BPTF: variants seen among roughly 807,000 people sequenced by gnomAD.
The protein encoded by BPTF is bromodomain PHD finger transcription factor.
In BPTF, 18 loss-of-function variants were observed where a neutral mutation model predicts 292.5. The ratio of observed to expected loss-of-function variants is 0.06; its 90% CI spans 0.04 to 0.09. BPTF has a LOEUF of 0.09. Ranked by LOEUF, BPTF falls within the 10% of genes least tolerant of loss-of-function variation. The probability of loss-of-function intolerance (pLI) is 1.00; values close to 1 mark genes in which losing one functional copy is unlikely to be tolerated. For missense variants in BPTF, 2,726 were observed against 3,498.7 expected (o/e 0.78, Z 5.57); for synonymous variants, 1,225 against 1,251.9 (o/e 0.98, Z 0.45).
Position 67,912,197 on chromosome 17 carries a change from C to A in BPTF, c.4313C>A (p.Pro1438Gln). 1 of 1,609,772 alleles carries A rather than the reference C, an allele frequency of 6.2e-7. No homozygotes were observed. ...AGAGTAGTAAGTGGTAATGTTGAAC[C>A]AAAGGTTAATAATATAAATAAAATA... is the stretch of plus-strand genomic sequence containing the variant. ...ESRVVSGNVE[P>Q]KVNNINKIIP... The change falls in exon 11 of 28, where the codon CCA (proline) becomes CAA (glutamine). Residue 1438 changes from proline to glutamine, a missense_variant. Physicochemically the swap from Pro to Gln is moderately conservative, Grantham distance 76. Around this residue, in one of 22 missense-constraint regions of BPTF, gnomAD observed 713 missense variants for 714.9 expected, o/e 1.00. Transcript: ENST00000306378.
At chr17:67,979,169 C>CAAAAAAAAAAAAAAAAAAAAAAAAAA (rs11376410) in intron 27 of BPTF, among the ~76,000 whole-genome samples, 7 of 72,566 alleles carry the variant, frequency 9.6e-5, no homozygotes, top group African/African-American at 4.8e-4. Flanking sequence ...GACCCTGTCT[C>CAAAAAAAAAAAAAAAAAAAAAAAAAA]AAAAAAAAAA....
intron 1 of BPTF, among the ~76,000 whole-genome samples, chr17:67,838,863 A>G (rs1035091988): frequency 2.0e-5 from 3 of 152,246 alleles, no homozygotes; most frequent in African/African-American, 7.2e-5. Flanking sequence ...ATCAGATTTT[A>G]TCTTTGTGTA....
chr17:67,964,551 T>C, intron 25 of BPTF, 147 bp downstream of exon 25: 1 of 918,634 alleles, frequency 1.1e-6, no homozygotes, highest in Non-Finnish European at 1.6e-6. Context: ...ACTGCAGTCC[T>C]TCACGTACCA....
In BPTF at chr17:67,979,407, T is replaced by G. The variant is rs1259006458; in HGVS notation, c.8727-2845T>G. On this transcript the variant is annotated intron_variant, in intron 27 of 27. Transcript: ENST00000306378. The stretch of plus-strand genomic sequence containing the variant: ...ACTAAAAGTACAAAAATTAGCCAGG[T>G]GTGGTTGCACATGCCTGTAATCCCA... 5.3e-5 allele frequency among the ~76,000 whole-genome samples: 8 copies of G among 151,466 alleles called. No individual in the cohort carries two copies. In the East Asian group the frequency reaches 1.6e-3, roughly 30 times the overall value.
In BPTF at chr17:67,945,966, C is replaced by G; in HGVS notation, c.7258C>G (p.Arg2420Gly). 6.2e-7 allele frequency: 1 copy of G among 1,614,176 alleles called. No homozygotes were observed. The highest frequency in any genetic ancestry group is 1.1e-5 in the South Asian group (1 of 91,082). Residue 2420 changes from arginine to glycine, a missense_variant, in exon 21 of 28, where the codon CGT (arginine) becomes GGT (glycine). Arg to Gly is a moderately radical substitution (Grantham distance 125). Transcript: ENST00000306378. ...LNQVTVSSPS[R>G]PQLQIQQPQP... is the part of the protein sequence containing the mutation. ...TCAAGTTACTGTTTCATCCCCATCC[C>G]GTCCTCAGCTACAAATACAGCAGCC...
chr17:67,826,037 G>A lies in BPTF; in HGVS notation c.313G>A (p.Gly105Arg). 1 of 1,199,358 alleles carries A rather than the reference G, an allele frequency of 8.3e-7. No individual in the cohort carries two copies. Among genetic ancestry groups the A allele is most frequent in the Non-Finnish European group, 1.1e-6 (1 of 947,348 alleles). The allele number at this position is 1,199,358 out of a possible 1,614,324, so 74.3% of individuals were successfully genotyped here. Residue 105 changes from glycine to arginine, a missense_variant, in exon 1 of 28, where the codon GGG becomes AGG. By Grantham distance (125) the Gly-to-Arg change is moderately radical. Coordinates refer to ENST00000306378, the MANE Select transcript of BPTF (RefSeq NM_182641.4). ...RGGGGGRTGG[G>R]GGGGHLARTT... ...AGGCGGGGGCGGCAGGACGGGGGGC[G>A]GGGGCGGCGGCGGCCACCTGGCCCG... is the stretch of plus-strand genomic sequence containing the variant.
intron 18 of BPTF, among the ~76,000 whole-genome samples, chr17:67,935,605 A>G (rs2064847581): frequency 6.6e-6 from 1 of 152,148 alleles, no homozygotes; most frequent in Non-Finnish European, 1.5e-5. Flanking sequence ...AAATAAAGTG[A>G]GCTTTTTTAA....
intron 4 of BPTF, among the ~76,000 whole-genome samples, chr17:67,884,294 CAG>C (rs1473123968): frequency 6.6e-6 from 1 of 151,806 alleles, no homozygotes; most frequent in Non-Finnish European, 1.5e-5. Context: ...TTAGTAGAGA[CAG>C]GGTTTCACCA....
intron 26 of BPTF, among the ~76,000 whole-genome samples, chr17:67,968,013 C>T (rs1231506862): frequency 1.3e-5 from 2 of 150,850 alleles, no homozygotes; most frequent in African/African-American, 4.9e-5. Flanking sequence ...ATTTTATGAA[C>T]TAGAGAGAAT....
intron 1 of BPTF, among the ~76,000 whole-genome samples, chr17:67,850,472 G>A (rs147885480): frequency 0.016 from 2,479 of 152,160 alleles, 64 homozygotes; most frequent in African/African-American, 0.052. Context: ...GGGTTCAAGC[G>A]GTTCTTCTGC....
chr17:67,854,044 A>G lies in BPTF; in HGVS notation c.718A>G (p.Asn240Asp). ...GTCCTCTGAGGATTTAATGGTGCCT[A>G]ATGAGCATATAATGAATGTCATTGC... The part of the protein sequence containing the change: ...PKSSEDLMVP[N>D]EHIMNVIAIY... The change falls in exon 2 of 28, where the codon AAT (asparagine) becomes GAT (aspartate). Residue 240 changes from asparagine (N) to aspartate (D), a missense_variant. Around this residue, in one of 22 missense-constraint regions of BPTF, gnomAD observed 102 missense variants for 212.6 expected, o/e 0.48. Coordinates refer to ENST00000306378, the MANE Select transcript of BPTF (RefSeq NM_182641.4). This position sits in a 1 kb window ranked among gnomAD's most constrained non-coding sequence, Gnocchi z 5.6. 1 of 1,614,188 alleles carries G rather than the reference A, an allele frequency of 6.2e-7. No homozygotes were observed. Among genetic ancestry groups the G allele is most frequent in the East Asian group, 2.2e-5 (1 of 44,880 alleles).
intron 23 of BPTF, among the ~76,000 whole-genome samples, 183 bp downstream of exon 23, chr17:67,948,489 T>G (rs1218944329): frequency 6.6e-6 from 1 of 152,200 alleles, no homozygotes. Context: ...CTTTTATAAC[T>G]AAATGTGTAG....
At position 67,857,963 on chromosome 17, in the gene BPTF, T is replaced by C. The variant is rs986075215; in HGVS notation, c.1436+3201T>C. On this transcript the variant is annotated intron_variant, in intron 2 of 27. Coordinates refer to ENST00000306378, the MANE Select transcript of BPTF (RefSeq NM_182641.4). ...CCACCACACCCAGCTAATTTTTGTA[T>C]TTATAGTAGAGATGGGGTTTCACCA... 1.0e-3 allele frequency among the ~76,000 whole-genome samples: 158 copies of C among 151,928 alleles called. 1 individual carries two copies. Among genetic ancestry groups the C allele is most frequent in the African/African-American group, 3.8e-3 (156 of 41,440 alleles).
At chr17:67,850,552 A>G (rs984856505) in intron 1 of BPTF, among the ~76,000 whole-genome samples, 1 of 152,074 alleles carries the variant, frequency 6.6e-6, no homozygotes, top group African/African-American at 2.4e-5. Flanking sequence ...TATTTTTCTT[A>G]GAGACGGGGT....
In BPTF at chr17:67,826,239, A is replaced by G. The variant is rs1369483867; in HGVS notation, c.515A>G (p.Asp172Gly). ...EEDEMEEDDD[D>G]SDYPEEMEDD... is the part of the protein sequence containing the mutation. ...GATGAGATGGAAGAGGACGACGATGACTCCGATTATCCGGAGGAGATGGAA... is the reference window on the plus strand; with the variant it reads ...GATGAGATGGAAGAGGACGACGATGGCTCCGATTATCCGGAGGAGATGGAA... Residue 172 changes from aspartate to glycine, a missense_variant, in exon 1 of 28, where the codon GAC (aspartate) becomes GGC (glycine). Asp to Gly is a moderately conservative substitution (Grantham distance 94, BLOSUM62 -1). Around this residue, in one of 22 missense-constraint regions of BPTF, gnomAD observed 153 missense variants for 178.3 expected, o/e 0.86. Transcript: ENST00000306378. 1 of 1,613,456 alleles carries G rather than the reference A, an allele frequency of 6.2e-7. No homozygotes were observed. Among genetic ancestry groups the G allele is most frequent in the Non-Finnish European group, 8.5e-7 (1 of 1,179,844 alleles).
intron 1 of BPTF, among the ~76,000 whole-genome samples, chr17:67,848,042 G>C (rs1308333415): frequency 6.6e-6 from 1 of 152,096 alleles, no homozygotes; most frequent in African/African-American, 2.4e-5. Flanking sequence ...TACCAATACC[G>C]AGTGAGGCCA....
intron 1 of BPTF, among the ~76,000 whole-genome samples, chr17:67,830,380 T>C (rs1226610981): frequency 2.0e-5 from 3 of 152,168 alleles, no homozygotes; most frequent in Non-Finnish European, 4.4e-5. Flanking sequence ...ACATTGGAGA[T>C]CAGTGGCAGA....
chr17:67,947,830 G>T, intron 22 of BPTF, 22 bp downstream of exon 22: 1 of 1,546,548 alleles, frequency 6.5e-7, no homozygotes. Context: ...GCAGGGTCTT[G>T]TTGTCTGTCC....
chr17:67,934,255 C>T (rs2064707139), intron 18 of BPTF, among the ~76,000 whole-genome samples: 1 of 151,694 alleles, frequency 6.6e-6, no homozygotes, highest in Non-Finnish European at 1.5e-5. Flanking sequence ...CTGTGGCTCA[C>T]GCCTATAATC....
Sources: allele counts gnomAD v4.1 joint callset (sites outside exome capture counted in the v4.1 genomes callset), GRCh38; gene constraint gnomAD v4.1.1; regional missense constraint gnomAD v4.1.1; non-coding constraint Gnocchi (gnomAD v3.1); transcripts MANE v1.5; gene names NCBI Gene and HGNC (gene_info 2026-07-23, HGNC 2026-07-21).